Variants in KANK2 observed in about 807,000 individuals in gnomAD.
KANK2 encodes KN motif and ankyrin repeat domain-containing protein 2.
KANK2 carries 41 observed loss-of-function variants against 74.6 expected under a neutral mutation model. That is an observed-to-expected ratio of 0.55 (90% CI 0.43 to 0.71). The LOEUF is 0.71. Ranked by LOEUF, KANK2 falls within the 30% of genes least tolerant of loss-of-function variation. The pLI is 0.00. For synonymous variants in KANK2, 537 were observed against 519.0 expected (o/e 1.03, Z -0.47); for missense variants, 1,148 against 1,196.4 (o/e 0.96, Z 0.60).
rs552385360 is a variant in KANK2, at chr19:11,170,276, G to C, written c.2212-28C>G. The C allele has an allele frequency of 2.6e-5, 42 of 1,596,592 alleles. No individual in the cohort carries two copies. The South Asian group carries it at 3.4e-4, about 13-fold the overall frequency. On this transcript the variant is annotated intron_variant, in intron 10 of 12. Transcript: ENST00000586659. This position sits in a 1 kb window ranked among gnomAD's most constrained non-coding sequence, Gnocchi z 5.2. Reference sequence around the variant, plus strand: ...GGGGAGGGCAAGGAACAGGATTATGGTTCATGCAGGCCCCAGGGCAGGACA... The same window carrying C: ...GGGGAGGGCAAGGAACAGGATTATGCTTCATGCAGGCCCCAGGGCAGGACA...
intron 4 of KANK2, among the ~76,000 whole-genome samples, chr19:11,185,894 G>A (rs1025890328): frequency 3.3e-5 from 5 of 152,120 alleles, no homozygotes; most frequent in Admixed American, 1.3e-4. Context: ...ACCTGAATGG[G>A]ATGGCACTTG....
chr19:11,192,795 C>T (rs750346928), intron 4 of KANK2, 36 bp downstream of exon 4: 2 of 1,537,148 alleles, frequency 1.3e-6, no homozygotes, highest in Non-Finnish European at 8.9e-7. Flanking sequence ...CCCCCCCCCC[C>T]AAGCCATTCT....
At chr19:11,173,174 G>GC in intron 9 of KANK2, 51 bp from the exon 10 acceptor site, 1 of 1,572,646 alleles carries the variant, frequency 6.4e-7, no homozygotes. Flanking sequence ...CTAGTGGACT[G>GC]CCCCAAGGAA....
At chr19:11,171,473 A>G (rs970226340) in intron 10 of KANK2, among the ~76,000 whole-genome samples, 2 of 151,752 alleles carry the variant, frequency 1.3e-5, no homozygotes, top group African/African-American at 4.8e-5. Context: ...GAGATAAAAT[A>G]AAATAAAAAG....
chr19:11,178,478 G>A (rs781659556), intron 5 of KANK2, 31 bp from the exon 6 acceptor site: 2 of 1,601,814 alleles, frequency 1.2e-6, no homozygotes, highest in South Asian at 1.1e-5. Flanking sequence ...GGTGCTGTGA[G>A]AGTCCTTCAG....
chr19:11,193,777 G>A lies in KANK2; in HGVS notation c.303C>T (p.Ser101=), dbSNP rs2078933183. The change falls in exon 4 of 13, where the codon TCC becomes TCT. Residue 101 remains serine, a synonymous_variant. Transcript: ENST00000586659. This position sits in a 1 kb window ranked among gnomAD's most constrained non-coding sequence, Gnocchi z 9.6. ...GAGGGTAGAAGCCACGGCCGCAGTA[G>A]GAATAGGCTGAGTGGCGGCTGTCCC... ...ASGDSRHSAY[S]YCGRGFYPQY... 3 of 1,612,832 alleles carry A rather than the reference G, an allele frequency of 1.9e-6. No individual in the cohort carries two copies. The highest frequency in any genetic ancestry group is 2.5e-6 in the Non-Finnish European group (3 of 1,179,716).
chr19:11,194,634 G>A lies in KANK2; in HGVS notation c.-79-44C>T, dbSNP rs866253330. The A allele has an allele frequency of 8.0e-6, 6 of 754,690 alleles. No individual in the cohort carries two copies. The East Asian group carries it at 1.6e-4, about 20-fold the overall frequency. The allele number at this position is 754,690 out of a possible 1,614,324, so 46.7% of individuals were successfully genotyped here. A position where few individuals can be genotyped will look rare whatever the true frequency, so the allele number is the denominator to read the frequency against. On this transcript the variant is annotated intron_variant, in intron 2 of 12. Coordinates refer to ENST00000586659, the MANE Select transcript of KANK2 (RefSeq NM_001136191.3). Reference sequence around the variant, plus strand: ...GGCGCCGGGAGTTAGGAGTCTGTAGGGGGAGGGGAGGAGATGAGGCCAGCC... The same window carrying A: ...GGCGCCGGGAGTTAGGAGTCTGTAGAGGGAGGGGAGGAGATGAGGCCAGCC...
chr19:11,174,661 C>A lies in KANK2; in HGVS notation c.1880G>T (p.Trp627Leu), dbSNP rs1184873521. Residue 627 changes from tryptophan (W) to leucine (L), a missense_variant, in exon 9 of 13, where the codon TGG becomes TTG. Physicochemically the swap from Trp to Leu is moderately conservative, Grantham distance 61. Transcript: ENST00000586659. ...KVAYTTVLQE[W>L]LRLACRSDAH... is the part of the protein sequence containing the mutation. ...GTCGCTGCGGCAGGCCAGGCGCAGC[C>A]ACTCCTGCAGCACTGTGGTGTAGGC... The A allele has an allele frequency of 6.2e-7, 1 of 1,609,010 alleles. No individual in the cohort carries two copies. The highest frequency in any genetic ancestry group is 2.2e-5 in the East Asian group (1 of 44,700).
intron 10 of KANK2, among the ~76,000 whole-genome samples, chr19:11,172,089 C>T (rs1363241149): frequency 6.6e-6 from 1 of 151,116 alleles, no homozygotes; most frequent in Admixed American, 6.6e-5. Flanking sequence ...GATTCTCCTG[C>T]CTCAGCCTCC....
rs760667704 is a variant in KANK2 at position 11,174,480 on chromosome 19, G to A, written c.2061C>T (p.Leu687=). ...CCTCCCCGCTGGGCTCACCGCTGTC[G>A]AGCAGCTGCTGCACCACGGGGAAGT... ...HANFPVVQQL[L]DSGVCKVDKQ... is the part of the protein sequence containing the mutation. Residue 687 remains leucine, a synonymous_variant, in exon 9 of 13, where the codon CTC becomes CTT. Transcript: ENST00000586659. 20 of 1,608,458 alleles carry A rather than the reference G, an allele frequency of 1.2e-5. No homozygotes were observed. The highest frequency in any genetic ancestry group is 1.2e-4 in the South Asian group (11 of 90,064).
intron 10 of KANK2, among the ~76,000 whole-genome samples, chr19:11,172,269 G>T (rs552848826): frequency 2.6e-5 from 4 of 152,104 alleles, no homozygotes; most frequent in Non-Finnish European, 4.4e-5. Context: ...GAGCCATGGC[G>T]CCTGGCCTTA....
chr19:11,178,233 GA>G, intron 6 of KANK2, 111 bp downstream of exon 6: 1 of 974,676 alleles, frequency 1.0e-6, no homozygotes, highest in Non-Finnish European at 1.4e-6. Context: ...TTGATTAAAC[GA>G]ATTAACCAAA....
rs764849119 is a variant in KANK2 at position 11,193,519 on chromosome 19, G to A, written c.561C>T (p.His187=). 35 of 1,607,900 alleles carry A rather than the reference G, an allele frequency of 2.2e-5. No homozygotes were observed. The highest frequency in any genetic ancestry group is 2.0e-4 in the Admixed American group (12 of 59,978). The change falls in exon 4 of 13, where the codon CAC becomes CAT. Residue 187 remains histidine (H), a synonymous_variant. Coordinates refer to ENST00000586659, the MANE Select transcript of KANK2 (RefSeq NM_001136191.3). This position sits in a 1 kb window ranked among gnomAD's most constrained non-coding sequence, Gnocchi z 9.6. ...GGGCACCCGCCATCTGCTCCCGCAC[G>A]TGGGCCAGGTGCCCGGCACTGGGAG... ...PVPPSAGHLA[H]VREQMAGALR...
Position 11,193,031 on chromosome 19 carries a change from G to A in KANK2, c.1049C>T (p.Pro350Leu). ...EVVASTAAGA[P>L]AQRAQSLEPY... ...CTCCAGGCTCTGGGCCCGCTGTGCG[G>A]GGGCGCCAGCGGCTGTGCTGGCCAC... Residue 350 changes from proline to leucine, a missense_variant, in exon 4 of 13, where the codon CCC becomes CTC. Coordinates refer to ENST00000586659, the MANE Select transcript of KANK2 (RefSeq NM_001136191.3). This position sits in a 1 kb window ranked among gnomAD's most constrained non-coding sequence, Gnocchi z 9.6. The A allele has an allele frequency of 3.1e-6, 5 of 1,612,484 alleles. No individual in the cohort carries two copies. Among genetic ancestry groups the A allele is most frequent in the Non-Finnish European group, 4.2e-6 (5 of 1,179,390 alleles).
rs1450266590 is a variant in KANK2, at chr19:11,178,737, T to C, written c.1250-17A>G. 3 of 1,510,412 alleles carry C rather than the reference T, an allele frequency of 2.0e-6. No individual in the cohort carries two copies. Among genetic ancestry groups the C allele is most frequent in the Non-Finnish European group, 2.6e-6 (3 of 1,133,842 alleles). The allele number at this position is 1,510,412 out of a possible 1,614,324, so 93.6% of individuals were successfully genotyped here. On this transcript the variant is annotated splice_polypyrimidine_tract_variant and intron_variant, in intron 4 of 12. Transcript: ENST00000586659. The stretch of plus-strand genomic sequence containing the variant: ...CTGGGAGGCCTGGAGGGACAGGAAA[T>C]GAGTGTCTGCTCTTGGTCATAAAAG...
At chr19:11,179,241 G>A (rs1345416164) in intron 4 of KANK2, among the ~76,000 whole-genome samples, 3 of 151,684 alleles carry the variant, frequency 2.0e-5, no homozygotes, top group East Asian at 1.9e-4. Context: ...GCTTGAACCC[G>A]GGAGGCGGAG....
At chr19:11,172,840 G>T (rs138318448) in intron 10 of KANK2, 141 bp downstream of exon 10, 1 of 835,768 alleles carries the variant, frequency 1.2e-6, no homozygotes, top group Non-Finnish European at 1.9e-6. Context: ...GTTTCCACAA[G>T]AAGGTCCTGT....
In KANK2 at chr19:11,173,012, C is replaced by T. The variant is rs138941748; in HGVS notation, c.2180G>A (p.Arg727Gln). The T allele has an allele frequency of 3.6e-5, 58 of 1,613,640 alleles. No individual in the cohort carries two copies. Among genetic ancestry groups the T allele is most frequent in the African/African-American group, 1.3e-4 (10 of 74,814 alleles). ...GGCTTTGGCATTGATGTTGCCAAGC[C>T]GGAAGAGCTGAAGGACAGTCTCGAT... ...DDIETVLQLFRLGNINAKASQ... is the reference protein window; with the variant it reads ...DDIETVLQLFQLGNINAKASQ... Residue 727 changes from arginine (R) to glutamine (Q), a missense_variant, in exon 10 of 13, where the codon CGG becomes CAG. Coordinates refer to ENST00000586659, the MANE Select transcript of KANK2 (RefSeq NM_001136191.3).
chr19:11,187,586 G>A (rs1365810731), intron 4 of KANK2, among the ~76,000 whole-genome samples: 8 of 151,608 alleles, frequency 5.3e-5, no homozygotes, highest in Non-Finnish European at 1.0e-4. Flanking sequence ...TGGGAAAGAA[G>A]AATTTAATTT....
Sources: allele counts gnomAD v4.1 joint callset (sites outside exome capture counted in the v4.1 genomes callset), GRCh38; gene constraint gnomAD v4.1.1; non-coding constraint Gnocchi (gnomAD v3.1); transcripts MANE v1.5; gene names NCBI Gene and HGNC (gene_info 2026-07-23, HGNC 2026-07-21).